Variants in EHF observed in about 807,000 individuals in gnomAD.
EHF encodes ETS homologous factor, also known as ESE3 transcription factor.
A neutral mutation model predicts 45.1 loss-of-function variants in EHF; 14 were observed. The observed-to-expected ratio is 0.31, with a 90% CI of 0.21 to 0.49. EHF has a LOEUF of 0.49. Among genes scored for constraint, EHF ranks in the 20% least tolerant of loss-of-function variants. EHF has a pLI of 0.99. For synonymous variants in EHF, 136 were observed against 131.8 expected (o/e 1.03, Z -0.22); for missense variants, 282 against 371.4 (o/e 0.76, Z 1.98).
chr11:34,661,014 A>C lies in EHF; in HGVS notation c.*2083A>C, dbSNP rs1161754079. 2 of 152,160 alleles carry C rather than the reference A, an allele frequency of 1.3e-5. No homozygotes were observed. The highest frequency in any genetic ancestry group is 2.4e-5 in the African/African-American group (1 of 41,460). The allele number at this position is 152,160 out of a possible 1,614,324, so 9.4% of individuals were successfully genotyped here. On this transcript the variant is annotated 3_prime_UTR_variant, in exon 9 of 9. Coordinates refer to ENST00000257831, the MANE Select transcript of EHF (RefSeq NM_012153.6). ...GGCTTGGTCACTTCTGTAAAGGTTT[A>C]ACTTAGTGTTGTCAAGTAACAGTTA...
intron 1 of EHF, among the ~76,000 whole-genome samples, chr11:34,634,501 C>T (rs1374756970): frequency 3.3e-5 from 5 of 152,178 alleles, no homozygotes; most frequent in African/African-American, 7.2e-5. Flanking sequence ...GACTCTCAAT[C>T]CCCTGGGGCT....
chr11:34,642,856 G>A, intron 2 of EHF, 129 bp downstream of exon 2: 1 of 714,090 alleles, frequency 1.4e-6, no homozygotes, highest in Non-Finnish European at 2.3e-6. Flanking sequence ...AAGGAATGGA[G>A]AAAACTCAGT....
intron 1 of EHF, among the ~76,000 whole-genome samples, chr11:34,634,939 T>C (rs1853246999): frequency 6.6e-6 from 1 of 152,104 alleles, no homozygotes; most frequent in South Asian, 2.1e-4. Context: ...CAATCTGAGT[T>C]TGAATTCTCT....
chr11:34,658,785 G>T, intron 8 of EHF, 47 bp from the exon 9 acceptor site: 1 of 1,606,798 alleles, frequency 6.2e-7, no homozygotes, highest in Non-Finnish European at 8.5e-7. Flanking sequence ...TATTTACCTA[G>T]CAACCTTCAT....
intron 7 of EHF, 33 bp from the exon 8 acceptor site, chr11:34,658,500 T>C: frequency 6.3e-7 from 1 of 1,586,900 alleles, no homozygotes; most frequent in South Asian, 1.1e-5. Context: ...GTGACTTAGA[T>C]CATTAGTAAC....
At chr11:34,622,662 TA>T (rs147902015) in intron 1 of EHF, among the ~76,000 whole-genome samples, 8,116 of 152,280 alleles carry the variant, frequency 0.053, 331 homozygotes, top group Admixed American at 0.14. Context: ...TTTTGTGACC[TA>T]AAATTCTGGG....
At chr11:34,624,063 G>A (rs908131097) in intron 1 of EHF, among the ~76,000 whole-genome samples, 5 of 152,224 alleles carry the variant, frequency 3.3e-5, no homozygotes, top group African/African-American at 1.2e-4. Context: ...CACTTGAGAA[G>A]CAATGTTGTG....
intron 1 of EHF, among the ~76,000 whole-genome samples, chr11:34,622,753 T>C (rs533847959): frequency 2.6e-5 from 4 of 152,366 alleles, no homozygotes; most frequent in Admixed American, 6.5e-5. Context: ...AAATGGCTAA[T>C]GGTATTTAAA....
Position 34,654,169 on chromosome 11 carries a change from C to T in EHF, c.544+2364C>T, listed in dbSNP as rs144791260. Among the ~76,000 whole-genome samples, 46 of 152,348 alleles carry T rather than the reference C, an allele frequency of 3.0e-4. 1 individual carries two copies. In the East Asian group the frequency reaches 7.7e-3, roughly 26 times the overall value. ...TTGCGAAGCAGCTTAGCTGAAGTCA[C>T]GCTCTCTCACTTGCATCACAAACCT... On this transcript the variant is annotated intron_variant, in intron 6 of 8. Coordinates refer to ENST00000257831, the MANE Select transcript of EHF (RefSeq NM_012153.6).
At position 34,658,630 on chromosome 11, in the gene EHF, C is replaced by T. The variant is rs747033466; in HGVS notation, c.705C>T (p.Gly235=). Reference sequence around the variant, plus strand: ...TAAAATGGGAAGACCGATCTGAGGGCGTCTTCAGGTTCTTGAAATCAGAGG... The same window carrying T: ...TAAAATGGGAAGACCGATCTGAGGGTGTCTTCAGGTTCTTGAAATCAGAGG... ...GLIKWEDRSE[G]VFRFLKSEAV... Residue 235 remains glycine (G), a synonymous_variant, in exon 8 of 9, where the codon GGC becomes GGT. Transcript: ENST00000257831. The T allele has an allele frequency of 1.8e-5, 29 of 1,613,596 alleles. No individual in the cohort carries two copies. Among genetic ancestry groups the T allele is most frequent in the Non-Finnish European group, 2.2e-5 (26 of 1,179,752 alleles).
At chr11:34,648,850 G>A (rs1199378642) in intron 3 of EHF, among the ~76,000 whole-genome samples, 169 bp from the exon 4 acceptor site, 2 of 152,190 alleles carry the variant, frequency 1.3e-5, no homozygotes, top group African/African-American at 4.8e-5. Context: ...GAGACTGCAG[G>A]CTTGAGTTTG....
At chr11:34,641,038 A>G (rs1853948573) in intron 1 of EHF, among the ~76,000 whole-genome samples, 3 of 152,184 alleles carry the variant, frequency 2.0e-5, no homozygotes, top group African/African-American at 4.8e-5. Flanking sequence ...GCTAGTAAGT[A>G]GGAAGGCTTG....
rs780809590 is a variant in EHF, at chr11:34,643,068, A to ATGTGTGTGTGTG, written c.97+359_97+370dup. On this transcript the variant is annotated intron_variant, in intron 2 of 8. Coordinates refer to ENST00000257831, the MANE Select transcript of EHF (RefSeq NM_012153.6). The stretch of plus-strand genomic sequence containing the variant: ...CAAGATAGGCTAGGAGAGAAAGGGT[A>ATGTGTGTGTGTG]TGTGTGTGTGTGTGTGTGTGTGTGT... 3.6e-3 allele frequency among the ~76,000 whole-genome samples: 525 copies of ATGTGTGTGTGTG among 144,962 alleles called. 6 individuals are homozygous for ATGTGTGTGTGTG. The highest frequency in any genetic ancestry group is 0.013 in the African/African-American group (501 of 39,578).
At chr11:34,623,150 A>G (rs1852098526) in intron 1 of EHF, among the ~76,000 whole-genome samples, 1 of 152,098 alleles carries the variant, frequency 6.6e-6, no homozygotes, top group South Asian at 2.1e-4. Context: ...CAGTGGCATG[A>G]TCTTGGCTGA....
At position 34,661,429 on chromosome 11, in the gene EHF, C is replaced by T. The variant is rs905798883; in HGVS notation, c.*2498C>T. On this transcript the variant is annotated 3_prime_UTR_variant, in exon 9 of 9. Transcript: ENST00000257831. ...TGGCTCTTTCTGCAACCTTTCCATT[C>T]AAGAGCAATCTTTGCTAAGGAGTAA... 5.9e-5 allele frequency among the ~76,000 whole-genome samples: 9 copies of T among 152,252 alleles called. No individual in the cohort carries two copies. Among genetic ancestry groups the T allele is most frequent in the African/African-American group, 2.2e-4 (9 of 41,578 alleles).
intron 1 of EHF, among the ~76,000 whole-genome samples, chr11:34,632,149 C>T (rs1306972220): frequency 6.6e-6 from 1 of 152,196 alleles, no homozygotes; most frequent in Non-Finnish European, 1.5e-5. Context: ...GGCATGAACA[C>T]TCAGTCAAAC....
At chr11:34,646,114 G>A (rs532206921) in intron 2 of EHF, among the ~76,000 whole-genome samples, 18 of 150,038 alleles carry the variant, frequency 1.2e-4, no homozygotes, top group Middle Eastern at 3.4e-3. Context: ...GAGAGAAGAG[G>A]AAGAGAACGA....
intron 1 of EHF, among the ~76,000 whole-genome samples, chr11:34,625,858 C>T (rs931605530): frequency 2.0e-5 from 3 of 152,132 alleles, no homozygotes; most frequent in Non-Finnish European, 2.9e-5. Flanking sequence ...AGGCTTCCTC[C>T]CTTCTTTTTT....
At chr11:34,636,775 G>A (rs556402132) in intron 1 of EHF, among the ~76,000 whole-genome samples, 1 of 152,302 alleles carries the variant, frequency 6.6e-6, no homozygotes, top group African/African-American at 2.4e-5. Context: ...GCTCACGCCT[G>A]TAATCCCAGC....
Sources: gnomAD v4.1 joint callset for allele counts (sites outside exome capture counted in the v4.1 genomes callset) on GRCh38, gnomAD v4.1.1 for gene constraint, MANE v1.5 for transcripts, NCBI Gene and HGNC (gene_info 2026-07-23, HGNC 2026-07-21) for gene names.